Variants in EMILIN2 observed in about 807,000 individuals in gnomAD.
EMILIN2 encodes the protein EMILIN-2.
A neutral mutation model predicts 87.1 loss-of-function variants in EMILIN2; 71 were observed. That is an observed-to-expected ratio of 0.82 (90% CI 0.67 to 0.99). EMILIN2 has a LOEUF of 0.99. Ranked by LOEUF, EMILIN2 falls within the 50% of genes least tolerant of loss-of-function variation. EMILIN2 has a pLI of 0.00. For synonymous variants in EMILIN2, 581 were observed against 563.4 expected (o/e 1.03, Z -0.44); for missense variants, 1,407 against 1,371.8 (o/e 1.03, Z -0.40).
chr18:2,858,583 G>GTGTGTGTGTGTGTGTATATATA (rs1180735843), intron 2 of EMILIN2, among the ~76,000 whole-genome samples: 3 of 63,042 alleles, frequency 4.8e-5, no homozygotes, highest in African/African-American at 2.8e-4. Context: ...GTGTGTGTGT[G>GTGTGTGTGTGTGTGTATATATA]TATATATATA....
rs891553093 is a variant in EMILIN2 at position 2,909,929 on chromosome 18, C to G, written c.2824+110C>G. 4 of 1,463,640 alleles carry G rather than the reference C, an allele frequency of 2.7e-6. No individual in the cohort carries two copies. The African/African-American group carries it at 4.3e-5, about 16-fold the overall frequency. 90.7% of individuals were successfully genotyped at this position (1,463,640 alleles called of 1,614,324 possible). ...CAGCGTCCCGTGGGCTCAGGGAGGA[C>G]GCCACCCTGGAGCAGATGCCCGAGT... On this transcript the variant is annotated intron_variant, in intron 7 of 7. Coordinates refer to ENST00000254528, the MANE Select transcript of EMILIN2 (RefSeq NM_032048.3).
At chr18:2,882,860 G>A (rs2076783714) in intron 2 of EMILIN2, among the ~76,000 whole-genome samples, 1 of 148,228 alleles carries the variant, frequency 6.7e-6, no homozygotes. Flanking sequence ...TCCAGCCTGG[G>A]CAACGAGAGT....
chr18:2,914,703 C>G lies in EMILIN2; in HGVS notation c.*1299C>G, dbSNP rs371177418. 6.6e-6 allele frequency: 1 copy of G among 152,030 alleles called. No individual in the cohort carries two copies. Among genetic ancestry groups the G allele is most frequent in the Non-Finnish European group, 1.5e-5 (1 of 67,984 alleles). 9.4% of individuals were successfully genotyped at this position (152,030 alleles called of 1,614,324 possible). A position where few individuals can be genotyped will look rare whatever the true frequency, so the allele number is the denominator to read the frequency against. ...CAGTTTCCTTGGCCCACAAGATGCT[C>G]TTATGCTGTAAAAAAAATGCTTTAA... On this transcript the variant is annotated 3_prime_UTR_variant, in exon 8 of 8. Transcript: ENST00000254528.
In EMILIN2 at chr18:2,880,491, C is replaced by T. The variant is rs1057077653; in HGVS notation, c.258-4473C>T. ...GGCCCAGGGTTACAGCCCCAAGGGCCGCCCCCGCCCATACCCAAGGCACCT... is the reference window on the plus strand; with the variant it reads ...GGCCCAGGGTTACAGCCCCAAGGGCTGCCCCCGCCCATACCCAAGGCACCT... On this transcript the variant is annotated intron_variant, in intron 2 of 7. Transcript: ENST00000254528. This position sits in a 1 kb window ranked among gnomAD's most constrained non-coding sequence, Gnocchi z 4.1. Among the ~76,000 whole-genome samples, 12 of 152,318 alleles carry T rather than the reference C, an allele frequency of 7.9e-5. No homozygotes were observed. The highest frequency in any genetic ancestry group is 2.2e-4 in the African/African-American group (9 of 41,568).
chr18:2,899,819 T>TA (rs896050694), intron 4 of EMILIN2, among the ~76,000 whole-genome samples: 22 of 152,214 alleles, frequency 1.4e-4, no homozygotes, highest in East Asian at 1.9e-4. Flanking sequence ...TGTGAATTTC[T>TA]AAAAAAAATT....
intron 3 of EMILIN2, among the ~76,000 whole-genome samples, chr18:2,889,828 G>A (rs11873956): frequency 0.11 from 17,172 of 151,076 alleles, 1,463 homozygotes; most frequent in African/African-American, 0.24. Context: ...TCCCTGACCA[G>A]CTTTCAATAT....
At chr18:2,903,719 A>T (rs1416766262) in intron 4 of EMILIN2, among the ~76,000 whole-genome samples, 1 of 152,184 alleles carries the variant, frequency 6.6e-6, no homozygotes. Context: ...ACCCTTCAAC[A>T]GCCTCTTAAT....
At position 2,907,989 on chromosome 18, in the gene EMILIN2, T is replaced by C. The variant is rs137900430; in HGVS notation, c.2662+904T>C. ...CATCGGTGATAGCCTGGTGCCCCCA[T>C]GGCCCCTGATGCCCACGGCTGTCTG... On this transcript the variant is annotated intron_variant, in intron 5 of 7. Coordinates refer to ENST00000254528, the MANE Select transcript of EMILIN2 (RefSeq NM_032048.3). 2.6e-5 allele frequency among the ~76,000 whole-genome samples: 4 copies of C among 152,300 alleles called. No individual in the cohort carries two copies. In the East Asian group the frequency reaches 5.8e-4, roughly 22 times the overall value.
chr18:2,909,600 GGGCCTGGCACGTA>G lies in EMILIN2; in HGVS notation c.2696-85_2696-73del, dbSNP rs371362555. The G allele has an allele frequency of 4.4e-4, 665 of 1,514,518 alleles. 3 individuals carry two copies. In the African/African-American group the frequency reaches 8.1e-3, roughly 18 times the overall value. The allele number at this position is 1,514,518 out of a possible 1,614,324, so 93.8% of individuals were successfully genotyped here. On this transcript the variant is annotated intron_variant, in intron 6 of 7. Coordinates refer to ENST00000254528, the MANE Select transcript of EMILIN2 (RefSeq NM_032048.3). ...GTGAAATAAAATGGGCCTGGCACCT[GGGCCTGGCACGTA>G]GGCCTCAGTTTTCCAGGCCCTCCCC...
In EMILIN2 at chr18:2,891,646, C is replaced by G. The variant is rs1469544503; in HGVS notation, c.1519C>G (p.Gln507Glu). The G allele has an allele frequency of 6.2e-7, 1 of 1,614,092 alleles. No individual in the cohort carries two copies. The highest frequency in any genetic ancestry group is 1.3e-5 in the African/African-American group (1 of 75,028). ...LEDRLGSVLL[Q>E]MTNNTGAELS... is the part of the protein sequence containing the mutation. ...AGACCGTCTGGGGAGCGTTCTCCTA[C>G]AGATGACCAATAACACTGGTGCAGA... The change falls in exon 4 of 8, where the codon CAG becomes GAG. Residue 507 changes from glutamine to glutamate, a missense_variant. By Grantham distance (29) the Gln-to-Glu change is conservative. Coordinates refer to ENST00000254528, the MANE Select transcript of EMILIN2 (RefSeq NM_032048.3). The surrounding 1 kb of genome is among the most constrained non-coding windows in gnomAD (Gnocchi z 4.6).
At chr18:2,846,563 G>A (rs1273391496), upstream of EMILIN2, among the ~76,000 whole-genome samples, 1 of 152,248 alleles carries the variant, frequency 6.6e-6, no homozygotes, top group African/African-American at 2.4e-5. This position sits in a 1 kb window ranked among gnomAD's most constrained non-coding sequence, Gnocchi z 5.3. Context: ...GAGCTGGTGG[G>A]GGAACGGCCC....
Position 2,915,442 on chromosome 18 carries a change from A to G in EMILIN2, c.*2038A>G, listed in dbSNP as rs1372824591. The G allele has an allele frequency of 6.6e-6, 1 of 152,154 alleles. No individual in the cohort carries two copies. Among genetic ancestry groups the G allele is most frequent in the African/African-American group, 2.4e-5 (1 of 41,422 alleles). 9.4% of individuals were successfully genotyped at this position (152,154 alleles called of 1,614,324 possible). ...TGGGGTTCGAAGCAGCCCTTCAAGAAGTCATCACCCCTGAAGTAGTGCCTG... is the reference window on the plus strand; with the variant it reads ...TGGGGTTCGAAGCAGCCCTTCAAGAGGTCATCACCCCTGAAGTAGTGCCTG... On this transcript the variant is annotated 3_prime_UTR_variant, in exon 8 of 8. Coordinates refer to ENST00000254528, the MANE Select transcript of EMILIN2 (RefSeq NM_032048.3).
intron 4 of EMILIN2, among the ~76,000 whole-genome samples, chr18:2,896,679 G>C (rs1478233904): frequency 6.6e-6 from 1 of 152,002 alleles, no homozygotes; most frequent in Non-Finnish European, 1.5e-5. Flanking sequence ...TTAGAGATGG[G>C]TTTCACCATG....
rs201232565 is a variant in EMILIN2 at position 2,891,434 on chromosome 18, G to A, written c.1307G>A (p.Arg436His). 31 of 1,614,078 alleles carry A rather than the reference G, an allele frequency of 1.9e-5. No homozygotes were observed. The highest frequency in any genetic ancestry group is 1.8e-4 in the Admixed American group (11 of 60,000). Residue 436 changes from arginine to histidine, a missense_variant, in exon 4 of 8, where the codon CGC (arginine) becomes CAC (histidine). Physicochemically the swap from Arg to His is conservative, Grantham distance 29. Coordinates refer to ENST00000254528, the MANE Select transcript of EMILIN2 (RefSeq NM_032048.3). This position sits in a 1 kb window ranked among gnomAD's most constrained non-coding sequence, Gnocchi z 4.6. The stretch of plus-strand genomic sequence containing the variant: ...GGAAGACTGGACAATGAGTTTGACC[G>A]CCTTATAGTTCCAGAGCCAGATGTG... ...LNGRLDNEFDRLIVPEPDVDF... is the reference protein window; with the variant it reads ...LNGRLDNEFDHLIVPEPDVDF...
At chr18:2,854,009 G>A (rs575698236) in intron 2 of EMILIN2, among the ~76,000 whole-genome samples, 25 of 152,264 alleles carry the variant, frequency 1.6e-4, no homozygotes, top group African/African-American at 5.3e-4. Context: ...TAGTATTGGG[G>A]GCTTTGGGAG....
rs2076949430 is a variant in EMILIN2, at chr18:2,913,084, TATG to T, written c.2846_2848del (p.Asp949del). The T allele has an allele frequency of 6.2e-7, 1 of 1,610,414 alleles. No individual in the cohort carries two copies. Among genetic ancestry groups the T allele is most frequent in the African/African-American group, 1.3e-5 (1 of 74,878 alleles). On this transcript the variant is annotated inframe_deletion, in exon 8 of 8. Coordinates refer to ENST00000254528, the MANE Select transcript of EMILIN2 (RefSeq NM_032048.3). ...CCCCGCAGGGGTCTTCACGGCTCCT[TATG>T]ATGGGCGCTACCTGATCACGGCCAC...
In EMILIN2 at chr18:2,888,442, G is replaced by A. The variant is rs759404088; in HGVS notation, c.434-2119G>A. The stretch of plus-strand genomic sequence containing the variant: ...TCTTAAGAGAGAATAACGGCCGGGC[G>A]CGGTGGCTCACGTCTGTAATCCCAG... On this transcript the variant is annotated intron_variant, in intron 3 of 7. Transcript: ENST00000254528. 3.7e-4 allele frequency among the ~76,000 whole-genome samples: 56 copies of A among 151,874 alleles called. 1 individual carries two copies. The highest frequency in any genetic ancestry group is 7.3e-4 in the African/African-American group (30 of 41,332).
At position 2,906,780 on chromosome 18, in the gene EMILIN2, C is replaced by G; in HGVS notation, c.2360-3C>G. ...GTGTTTCTTTCTCCCCGACGCCCGG[C>G]AGAGGCGCCCTCGCCCCCGCCGCCC... is the stretch of plus-strand genomic sequence containing the variant. On this transcript the variant is annotated splice_polypyrimidine_tract_variant and splice_region_variant and intron_variant, in intron 4 of 7. Coordinates refer to ENST00000254528, the MANE Select transcript of EMILIN2 (RefSeq NM_032048.3). 1.6e-6 allele frequency: 2 copies of G among 1,261,480 alleles called. No individual in the cohort carries two copies. Among genetic ancestry groups the G allele is most frequent in the Non-Finnish European group, 9.9e-7 (1 of 1,007,682 alleles). 78.1% of individuals were successfully genotyped at this position (1,261,480 alleles called of 1,614,324 possible). A position where few individuals can be genotyped will look rare whatever the true frequency, so the allele number is the denominator to read the frequency against.
chr18:2,868,175 C>A (rs1380693241), intron 2 of EMILIN2, among the ~76,000 whole-genome samples: 1 of 152,224 alleles, frequency 6.6e-6, no homozygotes, highest in African/African-American at 2.4e-5. Context: ...GGTGGCTGGG[C>A]AGAGACGCTC....
Sources: gnomAD v4.1 joint callset for allele counts (sites outside exome capture counted in the v4.1 genomes callset) on GRCh38, gnomAD v4.1.1 for gene constraint, Gnocchi (gnomAD v3.1) non-coding constraint, MANE v1.5 for transcripts, NCBI Gene and HGNC (gene_info 2026-07-23, HGNC 2026-07-21) for gene names.